The following DNASE1L2 variants were observed in gnomAD, a reference collection of about 807,000 sequenced individuals.
DNASE1L2 encodes the protein deoxyribonuclease-1-like 2.
Under a neutral mutation model 31.8 loss-of-function variants are expected in DNASE1L2, and 35 were observed. That is an observed-to-expected ratio of 1.10 (90% CI 0.84 to 1.46). The LOEUF (loss-of-function observed/expected upper bound fraction) is 1.46. Among genes scored for constraint, DNASE1L2 ranks in the 40% most tolerant of loss-of-function variants. DNASE1L2 has a pLI of 0.00. For synonymous variants in DNASE1L2, 211 were observed against 186.5 expected (o/e 1.13, Z -1.07); for missense variants, 504 against 418.8 (o/e 1.20, Z -1.77).
rs769648973 is a variant in DNASE1L2, at chr16:2,237,210, C to G, written c.234-8C>G. 6.4e-7 allele frequency: 1 copy of G among 1,565,592 alleles called. No homozygotes were observed. Among genetic ancestry groups the G allele is most frequent in the African/African-American group, 1.4e-5 (1 of 74,042 alleles). ...GCCCCGACCCTGAGCGGGCCCCTGT[C>G]TCCGCAGCGTGTCCGAGCACGAGTA... On this transcript the variant is annotated splice_polypyrimidine_tract_variant and splice_region_variant and intron_variant, in intron 3 of 6. Transcript: ENST00000320700.
Position 2,238,028 on chromosome 16 carries a change from C to T in DNASE1L2, c.843+10C>T. 1.3e-6 allele frequency: 2 copies of T among 1,586,350 alleles called. No individual in the cohort carries two copies. Among genetic ancestry groups the T allele is most frequent in the African/African-American group, 1.3e-5 (1 of 74,404 alleles). On this transcript the variant is annotated intron_variant, in intron 6 of 6. Coordinates refer to ENST00000320700, the MANE Select transcript of DNASE1L2 (RefSeq NM_001374.3). The stretch of plus-strand genomic sequence containing the variant: ...CCTGGACCAGACTCAGGCGAGTGGG[C>T]CGTGGGGCGGTGCTGGTCTTGGGTC...
intron 6 of DNASE1L2, 77 bp downstream of exon 6, chr16:2,238,095 G>A (rs987979258): frequency 2.0e-6 from 3 of 1,504,908 alleles, no homozygotes; most frequent in Non-Finnish European, 2.7e-6. Flanking sequence ...AGGGTCCAGC[G>A]CCCAAGGCAG....
At chr16:2,238,223 G>C (rs27620) in intron 6 of DNASE1L2, 139 bp from the exon 7 acceptor site, 2 of 1,421,676 alleles carry the variant, frequency 1.4e-6, no homozygotes, top group South Asian at 1.2e-5. Flanking sequence ...CAAAGGGCCA[G>C]TGGTGACACC....
In DNASE1L2 at chr16:2,237,602, G is replaced by C. The variant is rs1277197684; in HGVS notation, c.544G>C (p.Ala182Pro). The part of the protein sequence containing the change: ...APHQAVAEID[A>P]LYDVYLDVID... ...GCATCAAGCCGTGGCGGAGATCGACGCGCTCTACGACGTGTACCTGGACGT... is the reference window on the plus strand; with the variant it reads ...GCATCAAGCCGTGGCGGAGATCGACCCGCTCTACGACGTGTACCTGGACGT... Residue 182 changes from alanine to proline, a missense_variant, in exon 5 of 7, where the codon GCG becomes CCG. Transcript: ENST00000320700. 1 of 1,611,214 alleles carries C rather than the reference G, an allele frequency of 6.2e-7. No homozygotes were observed. Among genetic ancestry groups the C allele is most frequent in the Admixed American group, 1.7e-5 (1 of 59,896 alleles).
chr16:2,236,974 C>T lies in DNASE1L2; in HGVS notation c.144+14C>T. On this transcript the variant is annotated intron_variant, in intron 2 of 6. Coordinates refer to ENST00000320700, the MANE Select transcript of DNASE1L2 (RefSeq NM_001374.3). ...ATCATCGCGAAGGTGGGGCCCGGGC[C>T]GGGGCGGGGCGGCGTTTAGGGGTGC... 6.5e-7 allele frequency: 1 copy of T among 1,548,362 alleles called. No individual in the cohort carries two copies. Among genetic ancestry groups the T allele is most frequent in the Non-Finnish European group, 8.7e-7 (1 of 1,146,950 alleles).
In DNASE1L2 at chr16:2,237,531, C is replaced by G. The variant is rs765052946; in HGVS notation, c.473C>G (p.Pro158Arg). The G allele has an allele frequency of 6.2e-7, 1 of 1,601,982 alleles. No homozygotes were observed. The highest frequency in any genetic ancestry group is 2.3e-5 in the East Asian group (1 of 44,192). The change falls in exon 5 of 7, where the codon CCC becomes CGC. Residue 158 changes from proline (P) to arginine (R), a missense_variant. By Grantham distance (103) the Pro-to-Arg change is moderately radical. Coordinates refer to ENST00000320700, the MANE Select transcript of DNASE1L2 (RefSeq NM_001374.3). The part of the protein sequence containing the change: ...SRRALTPPPL[P>R]AAAQNLVLIP... ...CGAGCTCTGACGCCCCCACCCCTTC[C>G]CGCAGCAGCACAGAACCTGGTGCTG...
Position 2,237,591 on chromosome 16 carries a change from C to T in DNASE1L2, c.533C>T (p.Ala178Val). The T allele has an allele frequency of 1.3e-6, 2 of 1,599,590 alleles. No homozygotes were observed. Among genetic ancestry groups the T allele is most frequent in the Admixed American group, 1.7e-5 (1 of 59,344 alleles). ...CACGCGGCGCCGCATCAAGCCGTGG[C>T]GGAGATCGACGCGCTCTACGACGTG... ...PLHAAPHQAV[A>V]EIDALYDVYL... Residue 178 changes from alanine (A) to valine (V), a missense_variant, in exon 5 of 7, where the codon GCG becomes GTG. Transcript: ENST00000320700.
At chr16:2,237,154 A>AC (rs2093513826) in intron 3 of DNASE1L2, 28 bp downstream of exon 3, 7 of 1,542,646 alleles carry the variant, frequency 4.5e-6, no homozygotes, top group Middle Eastern at 1.9e-4. Flanking sequence ...CCTCGTCGCG[A>AC]CCCCCCGCCG....
chr16:2,236,900 CAT>C lies in DNASE1L2; in HGVS notation c.85_86del (p.Ile29SerfsTer5). On this transcript the variant is annotated frameshift_variant, in exon 2 of 7. Coordinates refer to ENST00000320700, the MANE Select transcript of DNASE1L2 (RefSeq NM_001374.3). LOFTEE classifies it high-confidence loss of function. ...CCGCGCTTCGCATCGGAGCCTTCAA[CAT>C]TCAGAGCTTCGGTGACAGCAAAGTG... ...TAALRIGAFN[I>X]QSFGDSKVSD... 2 of 1,594,142 alleles carry C rather than the reference CAT, an allele frequency of 1.3e-6. No homozygotes were observed. The highest frequency in any genetic ancestry group is 1.7e-6 in the Non-Finnish European group (2 of 1,170,886).
Position 2,237,836 on chromosome 16 carries a change from C to T in DNASE1L2, c.661C>T (p.Arg221Cys). The change falls in exon 6 of 7, where the codon CGT becomes TGT. Residue 221 changes from arginine (R) to cysteine (C), a missense_variant. By Grantham distance (180) the Arg-to-Cys change is radical (BLOSUM62 -3). Transcript: ENST00000320700. ...GCGGGCGCAGGACTGGGCCGCCATCCGTCTGAGGAGCAGTGAGGTCTTCAA... is the reference window on the plus strand; with the variant it reads ...GCGGGCGCAGGACTGGGCCGCCATCTGTCTGAGGAGCAGTGAGGTCTTCAA... ...YVRAQDWAAIRLRSSEVFKWL... is the reference protein window; with the variant it reads ...YVRAQDWAAICLRSSEVFKWL... 6.2e-7 allele frequency: 1 copy of T among 1,612,334 alleles called. No individual in the cohort carries two copies. Among genetic ancestry groups the T allele is most frequent in the Non-Finnish European group, 8.5e-7 (1 of 1,179,728 alleles).
At position 2,237,991 on chromosome 16, in the gene DNASE1L2, G is replaced by A. The variant is rs370850099; in HGVS notation, c.816G>A (p.Gln272=). The change falls in exon 6 of 7, where the codon CAG becomes CAA. Residue 272 remains glutamine (Q), a synonymous_variant. Transcript: ENST00000320700. ...AGTCGGCCACCGTGCACGACTTCCA[G>A]GAGGAATTCGGCCTGGACCAGACTC... ...KPQSATVHDF[Q]EEFGLDQTQA... 3 of 1,603,854 alleles carry A rather than the reference G, an allele frequency of 1.9e-6. No individual in the cohort carries two copies. The highest frequency in any genetic ancestry group is 1.3e-5 in the African/African-American group (1 of 74,668).
At position 2,236,849 on chromosome 16, in the gene DNASE1L2, CTG is replaced by C. The variant is rs762665213; in HGVS notation, c.34_35del (p.Trp12GlyfsTer22). On this transcript the variant is annotated frameshift_variant, in exon 2 of 7. Coordinates refer to ENST00000320700, the MANE Select transcript of DNASE1L2 (RefSeq NM_001374.3). LOFTEE classifies it high-confidence loss of function. ...GGPRALLAAL[W>X]ALEAAGTAAL... ...GGCCCCGGGCTCTGCTGGCCGCACT[CTG>C]GGCGCTGGAAGCCGCCGGGACCGCC... 12 of 1,599,366 alleles carry C rather than the reference CTG, an allele frequency of 7.5e-6. No homozygotes were observed. Among genetic ancestry groups the C allele is most frequent in the Non-Finnish European group, 8.5e-6 (10 of 1,174,580 alleles).
chr16:2,238,335 C>A (rs1182462355), intron 6 of DNASE1L2, 27 bp from the exon 7 acceptor site: 10 of 1,612,898 alleles, frequency 6.2e-6, no homozygotes, highest in Non-Finnish European at 7.6e-6. Flanking sequence ...GTGCACTTTT[C>A]CCCTGAGGCT....
At position 2,238,582 on chromosome 16, in the gene DNASE1L2, C is replaced by T. The variant is rs146173984; in HGVS notation, c.*164C>T. ...CACGTGATGTGCTGCTCTGTACCTC[C>T]GTTCCCCATCTGTGGGACGGGCTGC... On this transcript the variant is annotated 3_prime_UTR_variant, in exon 7 of 7. Coordinates refer to ENST00000320700, the MANE Select transcript of DNASE1L2 (RefSeq NM_001374.3). 995 of 799,200 alleles carry T rather than the reference C, an allele frequency of 1.2e-3. 4 individuals carry two copies. In the African/African-American group the frequency reaches 0.014, roughly 11 times the overall value. 49.5% of individuals were successfully genotyped at this position (799,200 alleles called of 1,614,324 possible). A position where few individuals can be genotyped will look rare whatever the true frequency, so the allele number is the denominator to read the frequency against.
rs1337019429 is a variant in DNASE1L2 at position 2,236,840 on chromosome 16, G to A, written c.24G>A (p.Leu8=). The A allele has an allele frequency of 6.3e-7, 1 of 1,599,450 alleles. No individual in the cohort carries two copies. The highest frequency in any genetic ancestry group is 1.7e-5 in the Admixed American group (1 of 58,670). ...CCATGGGCGGGCCCCGGGCTCTGCT[G>A]GCCGCACTCTGGGCGCTGGAAGCCG... MGGPRAL[L]AALWALEAAG... is the part of the protein sequence containing the mutation. The change falls in exon 2 of 7, where the codon CTG becomes CTA. Residue 8 remains leucine (L), a synonymous_variant. Coordinates refer to ENST00000320700, the MANE Select transcript of DNASE1L2 (RefSeq NM_001374.3).
rs990353396 is a variant in DNASE1L2 at position 2,236,764 on chromosome 16, G to A, written c.-39-14G>A. On this transcript the variant is annotated splice_polypyrimidine_tract_variant and intron_variant, in intron 1 of 6. Transcript: ENST00000320700. The stretch of plus-strand genomic sequence containing the variant: ...AAGGGGTGGGTCGGTGGGTCTGACA[G>A]CGGGTCTGCGTAGGCGGCAGCGTCT... 4 of 1,520,454 alleles carry A rather than the reference G, an allele frequency of 2.6e-6. No individual in the cohort carries two copies. Among genetic ancestry groups the A allele is most frequent in the African/African-American group, 2.8e-5 (2 of 72,050 alleles). 94.2% of individuals were successfully genotyped at this position (1,520,454 alleles called of 1,614,324 possible). A position where few individuals can be genotyped will look rare whatever the true frequency, so the allele number is the denominator to read the frequency against.
At position 2,236,811 on chromosome 16, in the gene DNASE1L2, C is replaced by T. The variant is rs762622221; in HGVS notation, c.-6C>T. The T allele has an allele frequency of 2.3e-5, 36 of 1,592,896 alleles. No homozygotes were observed. Among genetic ancestry groups the T allele is most frequent in the Non-Finnish European group, 3.0e-5 (35 of 1,172,650 alleles). ...GTCTGTCCCTCCCAGCCTCTCGCTC[C>T]GCGCCATGGGCGGGCCCCGGGCTCT... On this transcript the variant is annotated 5_prime_UTR_variant, in exon 2 of 7. Coordinates refer to ENST00000320700, the MANE Select transcript of DNASE1L2 (RefSeq NM_001374.3).
chr16:2,238,023 G>T lies in DNASE1L2; in HGVS notation c.843+5G>T, dbSNP rs887496141. 15 of 1,589,656 alleles carry T rather than the reference G, an allele frequency of 9.4e-6. No individual in the cohort carries two copies. The highest frequency in any genetic ancestry group is 1.0e-5 in the Non-Finnish European group (12 of 1,169,576). On this transcript the variant is annotated splice_donor_5th_base_variant and intron_variant, in intron 6 of 6. Transcript: ENST00000320700. ...TTCGGCCTGGACCAGACTCAGGCGA[G>T]TGGGCCGTGGGGCGGTGCTGGTCTT...
rs753055237 is a variant in DNASE1L2, at chr16:2,237,245, G to T, written c.261G>T (p.Val87=). The T allele has an allele frequency of 1.3e-6, 2 of 1,584,376 alleles. No homozygotes were observed. Among genetic ancestry groups the T allele is most frequent in the South Asian group, 2.3e-5 (2 of 87,476 alleles). ...NSVSEHEYSF[V]SSQPLGRDQY... Reference sequence around the variant, plus strand: ...TGTCCGAGCACGAGTACAGCTTTGTGAGCAGCCAGCCCCTGGGCCGGGACC... The same window carrying T: ...TGTCCGAGCACGAGTACAGCTTTGTTAGCAGCCAGCCCCTGGGCCGGGACC... Residue 87 remains valine (V), a synonymous_variant, in exon 4 of 7, where the codon GTG becomes GTT. Coordinates refer to ENST00000320700, the MANE Select transcript of DNASE1L2 (RefSeq NM_001374.3).
Sources: gnomAD v4.1 joint callset for allele counts on GRCh38, gnomAD v4.1.1 for gene constraint, MANE v1.5 for transcripts, NCBI Gene and HGNC (gene_info 2026-07-23, HGNC 2026-07-21) for gene names.